Variants in ATP10D observed in about 807,000 individuals in gnomAD.
ATP10D encodes the protein phospholipid-transporting ATPase VD.
ATP10D carries 89 observed loss-of-function variants against 144.8 expected under a neutral mutation model. That is an observed-to-expected ratio of 0.61 (90% confidence interval 0.52 to 0.73). The LOEUF (loss-of-function observed/expected upper bound fraction) is 0.73, where lower values mean the gene tolerates loss of function less well. ATP10D is among the 30% of genes least tolerant of loss of function. ATP10D has a pLI of 0.00. For missense variants in ATP10D, 1,603 were observed against 1,714.8 expected (o/e 0.93, Z 1.15); for synonymous variants, 571 against 615.1 (o/e 0.93, Z 1.06).
intron 15 of ATP10D, 76 bp downstream of exon 15, chr4:47,563,841 G>T: frequency 1.5e-6 from 2 of 1,312,822 alleles, no homozygotes; most frequent in Non-Finnish European, 2.0e-6. Context: ...ATGTATGCAA[G>T]GATTAAAAAA....
At chr4:47,571,833 A>G (rs536924698) in intron 16 of ATP10D, among the ~76,000 whole-genome samples, 1 of 152,332 alleles carries the variant, frequency 6.6e-6, no homozygotes, top group East Asian at 1.9e-4. Context: ...TGATCAGGAC[A>G]GTGTTGTTAT....
chr4:47,540,970 G>A (rs910621901), intron 9 of ATP10D, among the ~76,000 whole-genome samples: 2 of 152,134 alleles, frequency 1.3e-5, no homozygotes, highest in African/African-American at 4.8e-5. Context: ...TTTACATGGA[G>A]GCAGTAGCAT....
intron 14 of ATP10D, among the ~76,000 whole-genome samples, chr4:47,562,201 A>G (rs540429409): frequency 6.6e-6 from 1 of 152,356 alleles, no homozygotes; most frequent in African/African-American, 2.4e-5. Context: ...AACAAGTATT[A>G]TAGAATATGG....
intron 10 of ATP10D, among the ~76,000 whole-genome samples, chr4:47,554,141 A>C (rs1487764255): frequency 2.6e-5 from 4 of 152,256 alleles, no homozygotes; most frequent in Non-Finnish European, 5.9e-5. Context: ...AAGAAAGTAT[A>C]GTTGCCAAAT....
chr4:47,573,417 A>G (rs78104877), intron 18 of ATP10D, among the ~76,000 whole-genome samples: 184 of 152,368 alleles, frequency 1.2e-3, no homozygotes, highest in African/African-American at 4.3e-3. Context: ...TGTTATAATA[A>G]AGACACAGAT....
Position 47,558,137 on chromosome 4 carries a change from C to T in ATP10D, c.2298C>T (p.Leu766=). ...CTTTGGGACCATTAACATTTCAACT[C>T]CTACACATCCTGCCCTTTGACTCAG... ...FAALGPLTFQ[L]LHILPFDSVR... The change falls in exon 12 of 23, where the codon CTC becomes CTT. Residue 766 remains leucine, a synonymous_variant. Transcript: ENST00000273859. 6.2e-7 allele frequency: 1 copy of T among 1,614,198 alleles called. No individual in the cohort carries two copies. The highest frequency in any genetic ancestry group is 8.5e-7 in the Non-Finnish European group (1 of 1,180,030).
intron 11 of ATP10D, among the ~76,000 whole-genome samples, chr4:47,556,316 A>G (rs564066113): frequency 2.6e-5 from 4 of 152,340 alleles, no homozygotes; most frequent in Admixed American, 2.0e-4. Context: ...CCTTCCAATT[A>G]AGTTGAGCTT....
intron 15 of ATP10D, among the ~76,000 whole-genome samples, chr4:47,565,937 A>G (rs1455984429): frequency 6.6e-6 from 1 of 152,236 alleles, no homozygotes; most frequent in Non-Finnish European, 1.5e-5. Context: ...AACAGAATAC[A>G]ACAAACATAA....
At position 47,535,598 on chromosome 4, in the gene ATP10D, G is replaced by T. The variant is rs890727519; in HGVS notation, c.866G>T (p.Gly289Val). Residue 289 changes from glycine (G) to valine (V), a missense_variant, in exon 6 of 23, where the codon GGC (glycine) becomes GTC (valine). Transcript: ENST00000273859. ...ATTAGAAACACAGAGGCTGTTGTGG[G>T]CATTGTGGTTTATGCAGGTCGGTTA... ...CTIRNTEAVV[G>V]IVVYAGHETK... 3 of 1,612,306 alleles carry T rather than the reference G, an allele frequency of 1.9e-6. No individual in the cohort carries two copies. The highest frequency in any genetic ancestry group is 1.7e-6 in the Non-Finnish European group (2 of 1,179,230).
chr4:47,572,644 C>T (rs934357570), intron 17 of ATP10D, among the ~76,000 whole-genome samples: 43 of 145,306 alleles, frequency 3.0e-4, no homozygotes, highest in Non-Finnish European at 6.2e-4. Context: ...TTTGTGCGCA[C>T]GTGTGTGTGT....
At chr4:47,579,580 T>A (rs943262629) in intron 19 of ATP10D, among the ~76,000 whole-genome samples, 1 of 152,186 alleles carries the variant, frequency 6.6e-6, no homozygotes, top group Admixed American at 6.5e-5. Flanking sequence ...AGGAAAAGAA[T>A]TCCTGGCAGA....
At chr4:47,589,423 T>C (rs1401377273) in intron 22 of ATP10D, among the ~76,000 whole-genome samples, 1 of 152,154 alleles carries the variant, frequency 6.6e-6, no homozygotes, top group Non-Finnish European at 1.5e-5. Context: ...AACTGGATAA[T>C]GGGCAGAGGC....
At chr4:47,529,324 A>T (rs779405831) in intron 5 of ATP10D, among the ~76,000 whole-genome samples, 18 of 152,090 alleles carry the variant, frequency 1.2e-4, no homozygotes, top group Non-Finnish European at 5.9e-5. Context: ...GTAGATGGTG[A>T]GAGGTAGGGA....
intron 1 of ATP10D, among the ~76,000 whole-genome samples, chr4:47,495,303 A>G (rs1418958559): frequency 2.6e-5 from 4 of 152,068 alleles, no homozygotes; most frequent in Non-Finnish European, 5.9e-5. Flanking sequence ...CTTGCATTTT[A>G]TGAAGTTGTG....
At chr4:47,546,235 G>C (rs1454473750) in intron 9 of ATP10D, among the ~76,000 whole-genome samples, 1 of 152,148 alleles carries the variant, frequency 6.6e-6, no homozygotes, top group Non-Finnish European at 1.5e-5. Context: ...ATTACTTAAA[G>C]AAAGATTGGT....
At chr4:47,552,584 C>A (rs1201903161) in intron 10 of ATP10D, among the ~76,000 whole-genome samples, 2 of 152,240 alleles carry the variant, frequency 1.3e-5, no homozygotes, top group Non-Finnish European at 2.9e-5. Flanking sequence ...CTTCCTAATA[C>A]CATCACCTTG....
chr4:47,548,896 A>G (rs1310203783), intron 10 of ATP10D, among the ~76,000 whole-genome samples: 1 of 152,254 alleles, frequency 6.6e-6, no homozygotes, highest in African/African-American at 2.4e-5. Flanking sequence ...AATATATCAT[A>G]TAAAATTCTA....
chr4:47,504,438 A>C (rs1300061900), intron 1 of ATP10D, among the ~76,000 whole-genome samples: 1 of 152,200 alleles, frequency 6.6e-6, no homozygotes. Flanking sequence ...CTGCAGTAAT[A>C]AGCTTCTATA....
intron 15 of ATP10D, among the ~76,000 whole-genome samples, 192 bp from the exon 16 acceptor site, chr4:47,568,645 C>A (rs1244029122): frequency 6.6e-6 from 1 of 152,152 alleles, no homozygotes; most frequent in Non-Finnish European, 1.5e-5. Context: ...GATGTTCCCC[C>A]TCCTTTTAAC....
Sources: allele counts gnomAD v4.1 joint callset (sites outside exome capture counted in the v4.1 genomes callset), GRCh38; gene constraint gnomAD v4.1.1; transcripts MANE v1.5; gene names NCBI Gene and HGNC (gene_info 2026-07-23, HGNC 2026-07-21).